The following CFAP299 variants were observed in gnomAD, a reference collection of about 807,000 sequenced individuals.
CFAP299 encodes cilia- and flagella-associated protein 299.
CFAP299 carries 21 observed loss-of-function variants against 27.0 expected under a neutral mutation model. The observed-to-expected ratio is 0.78, with a 90% confidence interval of 0.55 to 1.12. CFAP299 has a LOEUF of 1.12. CFAP299 is among the 50% of genes most tolerant of loss of function. The pLI is 0.00. For missense variants in CFAP299, 310 were observed against 276.6 expected, an observed-to-expected ratio of 1.12 and a Z score of -0.86; for synonymous variants, 104 against 98.1, an observed-to-expected ratio of 1.06 and a Z score of -0.36.
intron 5 of CFAP299, among the ~76,000 whole-genome samples, chr4:80,949,125 A>G (rs1396193201): frequency 1.3e-5 from 2 of 152,186 alleles, no homozygotes; most frequent in African/African-American, 2.4e-5. Flanking sequence ...TGATTTATGA[A>G]CAGACTTCAA....
intron 1 of CFAP299, 48 bp from the exon 2 acceptor site, chr4:80,362,706 T>C (rs1018628907): frequency 6.5e-7 from 1 of 1,544,248 alleles, no homozygotes; most frequent in Non-Finnish European, 8.7e-7. Context: ...TAAGTAAAAA[T>C]AGTATGTCTC....
rs370960799 is a variant in CFAP299 at position 80,555,507 on chromosome 4, C to G, written c.243-27586C>G. ...GTTTTGGTATCAAGATGATGCTGGC[C>G]TCATAGAATAAGTTTGGGAGGAGTT... On this transcript the variant is annotated intron_variant, in intron 2 of 5. Coordinates refer to ENST00000358105, the MANE Select transcript of CFAP299 (RefSeq NM_152770.3). Among the ~76,000 whole-genome samples the G allele has an allele frequency of 6.6e-5, 10 of 152,190 alleles. 1 individual carries two copies. The highest frequency in any genetic ancestry group is 2.4e-4 in the African/African-American group (10 of 41,538).
At chr4:80,587,486 C>T (rs992231054) in intron 3 of CFAP299, among the ~76,000 whole-genome samples, 4 of 152,106 alleles carry the variant, frequency 2.6e-5, no homozygotes, top group African/African-American at 7.2e-5. Flanking sequence ...GCCTGAGTTT[C>T]CCCACCCAAA....
At chr4:80,953,792 T>C (rs962398028) in intron 5 of CFAP299, among the ~76,000 whole-genome samples, 2 of 152,102 alleles carry the variant, frequency 1.3e-5, no homozygotes. Context: ...TATGTCAATG[T>C]TTAGTAATAA....
chr4:80,602,448 C>T (rs763840494), intron 3 of CFAP299, among the ~76,000 whole-genome samples: 59 of 151,916 alleles, frequency 3.9e-4, no homozygotes, highest in South Asian at 6.2e-4. Flanking sequence ...TAATGGAAAA[C>T]GATGTAATTT....
chr4:80,745,088 CA>C (rs1724507587), intron 3 of CFAP299, among the ~76,000 whole-genome samples: 1 of 150,932 alleles, frequency 6.6e-6, no homozygotes, highest in Non-Finnish European at 1.5e-5. Flanking sequence ...ATGTTTCACA[CA>C]CAAAAAATGA....
At position 80,801,473 on chromosome 4, in the gene CFAP299, T is replaced by A. The variant is rs527285532; in HGVS notation, c.334-68520T>A. Among the ~76,000 whole-genome samples the A allele has an allele frequency of 1.2e-3, 189 of 152,188 alleles. 1 individual carries two copies. The highest frequency in any genetic ancestry group is 4.2e-3 in the African/African-American group (174 of 41,540). On this transcript the variant is annotated intron_variant, in intron 3 of 5. Transcript: ENST00000358105. ...AAAGGGAAAAATGCATTGCCAATCA[T>A]TACTAGGAAAATTGTTGATTGCTGA...
intron 3 of CFAP299, among the ~76,000 whole-genome samples, chr4:80,695,976 G>A (rs1226206044): frequency 6.6e-6 from 1 of 151,948 alleles, no homozygotes; most frequent in Admixed American, 6.6e-5. Context: ...TACTATCTTG[G>A]GGATAAAGCC....
chr4:80,542,863 C>T (rs1020915706), intron 2 of CFAP299, among the ~76,000 whole-genome samples: 6 of 151,934 alleles, frequency 3.9e-5, no homozygotes, highest in African/African-American at 9.7e-5. Context: ...CCTATGGTGC[C>T]CCTGATGCCC....
chr4:80,620,618 C>T (rs1206762001), intron 3 of CFAP299, among the ~76,000 whole-genome samples: 1 of 152,108 alleles, frequency 6.6e-6, no homozygotes, highest in Non-Finnish European at 1.5e-5. Context: ...AGATCAGTCT[C>T]TGTATTCTTT....
chr4:80,329,208 C>CACACACATATATATATAT, the CFAP299 span, among the ~76,000 whole-genome samples: 2 of 136,046 alleles, frequency 1.5e-5, no homozygotes, highest in African/African-American at 5.7e-5. Flanking sequence ...ACACTGTATA[C>CACACACATATATATATAT]ATATATATAT....
intron 2 of CFAP299, among the ~76,000 whole-genome samples, chr4:80,480,641 T>A (rs1730517450): frequency 6.6e-6 from 1 of 152,018 alleles, no homozygotes; most frequent in African/African-American, 2.4e-5. Flanking sequence ...GCTCAGAGAT[T>A]TTTTAGGCCT....
At chr4:80,815,330 ATG>A (rs747349914) in intron 3 of CFAP299, among the ~76,000 whole-genome samples, 126 of 149,154 alleles carry the variant, frequency 8.4e-4, no homozygotes, top group African/African-American at 2.9e-3. Context: ...TTATATATGC[ATG>A]TGTGTGTGTG....
At chr4:80,539,454 G>A (rs1313162040) in intron 2 of CFAP299, among the ~76,000 whole-genome samples, 1 of 152,162 alleles carries the variant, frequency 6.6e-6, no homozygotes, top group African/African-American at 2.4e-5. Flanking sequence ...AGGCAGGGGA[G>A]GAGAAACAGC....
intron 3 of CFAP299, among the ~76,000 whole-genome samples, chr4:80,866,387 C>T (rs1468380906): frequency 6.6e-6 from 1 of 151,942 alleles, no homozygotes; most frequent in African/African-American, 2.4e-5. Flanking sequence ...CCTGACAGCA[C>T]ATGAATGTAA....
chr4:80,617,931 A>T (rs1293407194), intron 3 of CFAP299, among the ~76,000 whole-genome samples: 1 of 152,198 alleles, frequency 6.6e-6, no homozygotes, highest in Non-Finnish European at 1.5e-5. Context: ...GGAATTAAAA[A>T]TACGTAGGGT....
intron 2 of CFAP299, among the ~76,000 whole-genome samples, chr4:80,552,731 A>G (rs1734585482): frequency 6.6e-6 from 1 of 152,178 alleles, no homozygotes; most frequent in East Asian, 1.9e-4. Flanking sequence ...TCTGTCACTC[A>G]GGCTAGAGCG....
At chr4:80,620,577 G>A (rs1455780091) in intron 3 of CFAP299, among the ~76,000 whole-genome samples, 1 of 152,054 alleles carries the variant, frequency 6.6e-6, no homozygotes, top group Non-Finnish European at 1.5e-5. Flanking sequence ...TAGGATGATG[G>A]CTTGATTCCT....
At chr4:80,891,517 A>C (rs1295326729) in intron 4 of CFAP299, among the ~76,000 whole-genome samples, 1 of 143,726 alleles carries the variant, frequency 7.0e-6, no homozygotes, top group Non-Finnish European at 1.5e-5. Flanking sequence ...TCGCAAGAAC[A>C]AAAAACCAAA....
Sources: gnomAD v4.1 joint callset for allele counts (sites outside exome capture counted in the v4.1 genomes callset) on GRCh38, gnomAD v4.1.1 for gene constraint, MANE v1.5 for transcripts, NCBI Gene and HGNC (gene_info 2026-07-23, HGNC 2026-07-21) for gene names.